Variants in UBE2O observed in about 807,000 individuals in gnomAD.
UBE2O encodes the protein (E3-independent) E2 ubiquitin-conjugating enzyme.
UBE2O carries 15 observed loss-of-function variants against 125.8 expected under a neutral mutation model. That is an observed-to-expected ratio of 0.12 (90% CI 0.08 to 0.18). The LOEUF (loss-of-function observed/expected upper bound fraction) is 0.18. UBE2O is among the 10% of genes least tolerant of loss of function. UBE2O has a pLI of 1.00. For missense variants in UBE2O, 1,280 were observed against 1,723.6 expected, an observed-to-expected ratio of 0.74 and a Z score of 4.56; for synonymous variants, 708 against 703.2, an observed-to-expected ratio of 1.01 and a Z score of -0.11.
At chr17:76,433,163 T>C (rs543938742) in intron 1 of UBE2O, among the ~76,000 whole-genome samples, 1 of 151,686 alleles carries the variant, frequency 6.6e-6, no homozygotes, top group East Asian at 1.9e-4. Flanking sequence ...TTATTCAGAA[T>C]AGCCAAAAGG....
At chr17:76,394,688 G>A (rs1411276338) in intron 15 of UBE2O, among the ~76,000 whole-genome samples, 6 of 152,126 alleles carry the variant, frequency 3.9e-5, no homozygotes, top group Non-Finnish European at 7.3e-5. Flanking sequence ...CCGTTTGGAA[G>A]GAGACCCACT....
intron 1 of UBE2O, among the ~76,000 whole-genome samples, chr17:76,414,714 G>A (rs780836511): frequency 6.6e-6 from 1 of 152,258 alleles, no homozygotes; most frequent in Non-Finnish European, 1.5e-5. Flanking sequence ...TGCCTGCTAA[G>A]TGAGGGGGAA....
intron 1 of UBE2O, among the ~76,000 whole-genome samples, chr17:76,449,312 T>A (rs1672654077): frequency 1.3e-5 from 2 of 152,282 alleles, no homozygotes; most frequent in Admixed American, 1.3e-4. Flanking sequence ...CTGTGGCTTA[T>A]GCCTGTAATT....
chr17:76,451,084 G>A (rs1225856386), intron 1 of UBE2O, among the ~76,000 whole-genome samples: 4 of 152,200 alleles, frequency 2.6e-5, no homozygotes, highest in African/African-American at 9.7e-5. Context: ...GTAGTGAGCT[G>A]GGCCTACCTC....
chr17:76,409,861 G>T (rs1435406884), intron 1 of UBE2O, among the ~76,000 whole-genome samples: 1 of 152,174 alleles, frequency 6.6e-6, no homozygotes. Flanking sequence ...CTGCAGGGGG[G>T]ATGCAGACAG....
chr17:76,415,954 C>T (rs550917804), intron 1 of UBE2O, among the ~76,000 whole-genome samples: 1 of 151,912 alleles, frequency 6.6e-6, no homozygotes, highest in East Asian at 1.9e-4. Flanking sequence ...TACATATGCA[C>T]ATACACGTAT....
chr17:76,452,643 G>GC lies in UBE2O; in HGVS notation c.417+81dup. On this transcript the variant is annotated intron_variant, in intron 1 of 17. Transcript: ENST00000319380. This position sits in a 1 kb window ranked among gnomAD's most constrained non-coding sequence, Gnocchi z 4.4. ...CTGCAGTGGCACCGCTCCGGGCAGGGCCCTGCACGCCGTCCTTCCCTGGCC... is the reference window on the plus strand; with the variant it reads ...CTGCAGTGGCACCGCTCCGGGCAGGGCCCCTGCACGCCGTCCTTCCCTGGCC... 1 of 1,264,850 alleles carries GC rather than the reference G, an allele frequency of 7.9e-7. No homozygotes were observed. The allele number at this position is 1,264,850 out of a possible 1,614,324, so 78.4% of individuals were successfully genotyped here. A position where few individuals can be genotyped will look rare whatever the true frequency, so the allele number is the denominator to read the frequency against.
chr17:76,426,741 G>C (rs1445419601), intron 1 of UBE2O, among the ~76,000 whole-genome samples: 1 of 152,008 alleles, frequency 6.6e-6, no homozygotes. Context: ...TTTTTGTTGG[G>C]ACTTTGGTTT....
rs1013554270 is a variant in UBE2O, at chr17:76,395,172, G to A, written c.2946+553C>T. On this transcript the variant is annotated intron_variant, in intron 15 of 17. Transcript: ENST00000319380. The surrounding 1 kb of genome is among the most constrained non-coding windows in gnomAD (Gnocchi z 5.0). ...ATTACAGTCGTGAGCCACCGCACCC[G>A]GCCTATTTCAAAGTAATTTTTTTTT... Among the ~76,000 whole-genome samples, 3 of 150,720 alleles carry A rather than the reference G, an allele frequency of 2.0e-5. No homozygotes were observed. Among genetic ancestry groups the A allele is most frequent in the African/African-American group, 4.9e-5 (2 of 40,874 alleles).
chr17:76,401,101 G>C lies in UBE2O; in HGVS notation c.804C>G (p.Gly268=). 1 of 1,613,834 alleles carries C rather than the reference G, an allele frequency of 6.2e-7. No individual in the cohort carries two copies. ...YGFYPGQVLI[G]PAKIFSSVQW... is the part of the protein sequence containing the mutation. Reference sequence around the variant, plus strand: ...GGACGCTGGAGAAGATCTTGGCAGGGCCAATGAGCACCTGGCCTGGGTAGA... The same window carrying C: ...GGACGCTGGAGAAGATCTTGGCAGGCCCAATGAGCACCTGGCCTGGGTAGA... Residue 268 remains glycine, a synonymous_variant, in exon 6 of 18, where the codon GGC becomes GGG. Transcript: ENST00000319380.
intron 1 of UBE2O, among the ~76,000 whole-genome samples, chr17:76,433,775 A>G (rs1460011672): frequency 6.6e-6 from 1 of 151,988 alleles, no homozygotes; most frequent in Non-Finnish European, 1.5e-5. Context: ...TAATGCCAGC[A>G]CTTTGGGAGG....
At position 76,411,218 on chromosome 17, in the gene UBE2O, AC is replaced by A. The variant is rs144021453; in HGVS notation, c.418-5647del. On this transcript the variant is annotated intron_variant, in intron 1 of 17. Transcript: ENST00000319380. ...TGTAGAGAAAGGGTTTTGCCATGTT[AC>A]CCAGGCTGGTCTCAAATTCCTGGGC... 2.5e-3 allele frequency among the ~76,000 whole-genome samples: 386 copies of A among 152,238 alleles called. 6 individuals carry two copies. Among genetic ancestry groups the A allele is most frequent in the African/African-American group, 8.4e-3 (350 of 41,540 alleles).
intron 1 of UBE2O, among the ~76,000 whole-genome samples, chr17:76,421,650 C>T (rs768374542): frequency 1.4e-4 from 21 of 152,206 alleles, no homozygotes; most frequent in Non-Finnish European, 5.9e-5. Flanking sequence ...CAGGCGTGAG[C>T]CACCACGCCC....
rs1192909644 is a variant in UBE2O at position 76,400,508 on chromosome 17, A to C, written c.937T>G (p.Phe313Val). The C allele has an allele frequency of 6.2e-7, 1 of 1,613,360 alleles. No homozygotes were observed. Among genetic ancestry groups the C allele is most frequent in the Non-Finnish European group, 8.5e-7 (1 of 1,179,854 alleles). ...ELKVTWITKS[F>V]CPGGTDSVSP... ...ACGCTGTCCGTGCCCCCTGGACAGAAACTCTTGGTAATCCATGTAACTTTC... is the reference window on the plus strand; with the variant it reads ...ACGCTGTCCGTGCCCCCTGGACAGACACTCTTGGTAATCCATGTAACTTTC... The change falls in exon 7 of 18, where the codon TTC (phenylalanine) becomes GTC (valine). Residue 313 changes from phenylalanine (F) to valine (V), a missense_variant. Phe to Val is a conservative substitution (Grantham distance 50, BLOSUM62 -1). Around this residue, in one of 10 missense-constraint regions of UBE2O, gnomAD observed 206 missense variants for 315.7 expected, o/e 0.65. Transcript: ENST00000319380. This position sits in a 1 kb window ranked among gnomAD's most constrained non-coding sequence, Gnocchi z 4.3.
At chr17:76,444,322 G>T (rs1040369467) in intron 1 of UBE2O, among the ~76,000 whole-genome samples, 3 of 152,066 alleles carry the variant, frequency 2.0e-5, no homozygotes, top group African/African-American at 7.2e-5. Flanking sequence ...GCTGAAGTGG[G>T]AGGATCACTT....
In UBE2O at chr17:76,391,790, C is replaced by T. The variant is rs1276866205; in HGVS notation, c.3174G>A (p.Lys1058=). The change falls in exon 17 of 18, where the codon AAG becomes AAA. Residue 1058 remains lysine, a synonymous_variant. Transcript: ENST00000319380. The surrounding 1 kb of genome is among the most constrained non-coding windows in gnomAD (Gnocchi z 8.4). ...IGKGTERWTS[K]SSLLQVLISI... ...AGATGAGCACCTGGAGAAGGCTGGA[C>T]TTGCTTGTCCACCTCTCTGTCCCCT... 3.7e-6 allele frequency: 6 copies of T among 1,614,030 alleles called. No homozygotes were observed. The East Asian group carries it at 6.7e-5, about 18-fold the overall frequency.
intron 1 of UBE2O, among the ~76,000 whole-genome samples, chr17:76,445,828 A>G (rs188411363): frequency 6.6e-5 from 10 of 152,370 alleles, no homozygotes; most frequent in Admixed American, 5.2e-4. Context: ...GGCTCCTGAC[A>G]GAGTCCCCCC....
At chr17:76,428,810 A>T (rs1423006989) in intron 1 of UBE2O, among the ~76,000 whole-genome samples, 4 of 152,150 alleles carry the variant, frequency 2.6e-5, no homozygotes, top group Non-Finnish European at 4.4e-5. Flanking sequence ...TTGTGTACCC[A>T]TGTCAATTCC....
In UBE2O at chr17:76,399,328, C is replaced by T. The variant is rs1183907376; in HGVS notation, c.1628+121G>A. On this transcript the variant is annotated intron_variant, in intron 9 of 17. Coordinates refer to ENST00000319380, the MANE Select transcript of UBE2O (RefSeq NM_022066.4). The surrounding 1 kb of genome is among the most constrained non-coding windows in gnomAD (Gnocchi z 6.9). ...CCTACGTTGTCTCGGGTGGGAGCCC[C>T]GGAGCCACTACAAGGCATGCAGAGG... 1.5e-5 allele frequency: 16 copies of T among 1,044,418 alleles called. No homozygotes were observed. Among genetic ancestry groups the T allele is most frequent in the Middle Eastern group, 3.1e-4 (1 of 3,216 alleles). The allele number at this position is 1,044,418 out of a possible 1,614,324, so 64.7% of individuals were successfully genotyped here. A position where few individuals can be genotyped will look rare whatever the true frequency, so the allele number is the denominator to read the frequency against.
Sources: gnomAD v4.1 joint callset for allele counts (sites outside exome capture counted in the v4.1 genomes callset) on GRCh38, gnomAD v4.1.1 for gene constraint, gnomAD v4.1.1 regional missense constraint, Gnocchi (gnomAD v3.1) non-coding constraint, MANE v1.5 for transcripts, NCBI Gene and HGNC (gene_info 2026-07-23, HGNC 2026-07-21) for gene names.